Variants in TRIL observed in about 807,000 individuals in gnomAD.
TRIL encodes TLR4 interactor with leucine rich repeats.
Under a neutral mutation model 43.0 loss-of-function variants are expected in TRIL, and 23 were observed. The observed-to-expected ratio is 0.54, with a 90% CI of 0.39 to 0.76. The LOEUF (loss-of-function observed/expected upper bound fraction) is 0.76, where lower values mean the gene tolerates loss of function less well. Among genes scored for constraint, TRIL ranks in the 30% least tolerant of loss-of-function variants. The pLI is 0.00. For missense variants in TRIL, 1,114 were observed against 1,139.3 expected (o/e 0.98, Z 0.32); for synonymous variants, 602 against 556.8 (o/e 1.08, Z -1.14).
In TRIL at chr7:28,957,251, T is replaced by A; in HGVS notation, c.796A>T (p.Thr266Ser). The change falls in exon 1 of 1, where the codon ACG becomes TCG. Residue 266 changes from threonine to serine, a missense_variant. Physicochemically the swap from Thr to Ser is moderately conservative, Grantham distance 58. Transcript: ENST00000539664. ...CAAAAGGCCTCAGGCGCGAGGTGCGTGAGCTGGTTGCCCCTGAGCGAGAGC... is the reference window on the plus strand; with the variant it reads ...CAAAAGGCCTCAGGCGCGAGGTGCGAGAGCTGGTTGCCCCTGAGCGAGAGC... Reference protein sequence around the residue: ...GLLSLRGNQLTHLAPEAFWGL... With the variant: ...GLLSLRGNQLSHLAPEAFWGL... 2 of 1,608,322 alleles carry A rather than the reference T, an allele frequency of 1.2e-6. No homozygotes were observed.
At position 28,956,974 on chromosome 7, in the gene TRIL, C is replaced by T. The variant is rs1468793992; in HGVS notation, c.1073G>A (p.Gly358Asp). ...SPALYRLDLDGNGWTCDCRLR... is the reference protein window; with the variant it reads ...SPALYRLDLDDNGWTCDCRLR... ...CCGGCAGTCGCAGGTCCAGCCGTTG[C>T]CGTCTAGATCCAGCCGATAAAGGGC... The change falls in exon 1 of 1, where the codon GGC becomes GAC. Residue 358 changes from glycine (G) to aspartate (D), a missense_variant. Coordinates refer to ENST00000539664, the MANE Select transcript of TRIL (RefSeq NM_014817.4). The T allele has an allele frequency of 1.3e-6, 2 of 1,581,426 alleles. No individual in the cohort carries two copies. Among genetic ancestry groups the T allele is most frequent in the South Asian group, 1.1e-5 (1 of 88,528 alleles).
chr7:28,956,776 G>T lies in TRIL; in HGVS notation c.1271C>A (p.Thr424Asn). Residue 424 changes from threonine (T) to asparagine (N), a missense_variant, in exon 1 of 1, where the codon ACC becomes AAC. Coordinates refer to ENST00000539664, the MANE Select transcript of TRIL (RefSeq NM_014817.4). ...TAGGGGCTGCCGCCTGCGGTCAGCGGTCAGGGAAGCTGAGGGCGAGGGATC... is the reference window on the plus strand; with the variant it reads ...TAGGGGCTGCCGCCTGCGGTCAGCGTTCAGGGAAGCTGAGGGCGAGGGATC... ...CADPSPSASL[T>N]ADRRRQPLPT... is the part of the protein sequence containing the mutation. 1 of 1,609,870 alleles carries T rather than the reference G, an allele frequency of 6.2e-7. No individual in the cohort carries two copies.
chr7:28,956,206 G>C lies in TRIL; in HGVS notation c.1841C>G (p.Pro614Arg), dbSNP rs1053730692. The change falls in exon 1 of 1, where the codon CCG becomes CGG. Residue 614 changes from proline (P) to arginine (R), a missense_variant. Coordinates refer to ENST00000539664, the MANE Select transcript of TRIL (RefSeq NM_014817.4). ...CAGGCGGAAGCGCGCGCCGCCCAGC[G>C]GCCGGGGACTGCGGTGCTCGCGCAC... is the stretch of plus-strand genomic sequence containing the variant. The part of the protein sequence containing the change: ...WAVREHRSPR[P>R]LGGARFRLLF... 16 of 1,563,444 alleles carry C rather than the reference G, an allele frequency of 1.0e-5. No individual in the cohort carries two copies. The East Asian group carries it at 3.3e-4, about 32-fold the overall frequency.
chr7:28,956,158 T>C lies in TRIL; in HGVS notation c.1889A>G (p.Gln630Arg). 1.3e-6 allele frequency: 2 copies of C among 1,575,014 alleles called. No individual in the cohort carries two copies. The highest frequency in any genetic ancestry group is 1.7e-6 in the Non-Finnish European group (2 of 1,161,912). Residue 630 changes from glutamine to arginine, a missense_variant, in exon 1 of 1, where the codon CAG (glutamine) becomes CGG (arginine). Physicochemically the swap from Gln to Arg is conservative, Grantham distance 43. Transcript: ENST00000539664. ...GTAGACGAAGCGGTGGAACTTGGGC[T>C]GCTGGCCAAAGCGGTCAAAGAGCAG... Reference protein sequence around the residue: ...FRLLFDRFGQQPKFHRFVYLP... With the variant: ...FRLLFDRFGQRPKFHRFVYLP...
rs754068499 is a variant in TRIL, at chr7:28,955,727, G to C, written c.2320C>G (p.Leu774Val). 1.3e-5 allele frequency: 20 copies of C among 1,550,240 alleles called. No individual in the cohort carries two copies. The East Asian group carries it at 4.9e-4, about 38-fold the overall frequency. Residue 774 changes from leucine to valine, a missense_variant, in exon 1 of 1, where the codon CTC (leucine) becomes GTC (valine). Physicochemically the swap from Leu to Val is conservative, Grantham distance 32. Transcript: ENST00000539664. ...AATTCGATGAGGTCCGCCTCACTGA[G>C]CGCGCACACGGTGGTGCGTGGCCGG... ...SHRPRTTVCALSEADLIEFPC... is the reference protein window; with the variant it reads ...SHRPRTTVCAVSEADLIEFPC...
In TRIL at chr7:28,956,944, C is replaced by T; in HGVS notation, c.1103G>A (p.Arg368Gln). ...GTCGCCCATCCAGCGCTTCAGGCCTCGCAGCCGGCAGTCGCAGGTCCAGCC... is the reference window on the plus strand; with the variant it reads ...GTCGCCCATCCAGCGCTTCAGGCCTTGCAGCCGGCAGTCGCAGGTCCAGCC... The part of the protein sequence containing the change: ...GNGWTCDCRL[R>Q]GLKRWMGDWH... Residue 368 changes from arginine (R) to glutamine (Q), a missense_variant, in exon 1 of 1, where the codon CGA becomes CAA. Arg to Gln is a conservative substitution (Grantham distance 43). Coordinates refer to ENST00000539664, the MANE Select transcript of TRIL (RefSeq NM_014817.4). 6.3e-7 allele frequency: 1 copy of T among 1,596,440 alleles called. No homozygotes were observed. The highest frequency in any genetic ancestry group is 8.5e-7 in the Non-Finnish European group (1 of 1,172,930).
chr7:28,956,647 G>A lies in TRIL; in HGVS notation c.1400C>T (p.Ala467Val). 2 of 1,571,678 alleles carry A rather than the reference G, an allele frequency of 1.3e-6. No homozygotes were observed. The highest frequency in any genetic ancestry group is 1.7e-6 in the Non-Finnish European group (2 of 1,162,538). ...QQQGRFLAGV[A>V]WDGAARELVG... The stretch of plus-strand genomic sequence containing the variant: ...CAGCTCCCTGGCGGCCCCATCCCAG[G>A]CCACCCCAGCTAGAAATCGCCCCTG... Residue 467 changes from alanine (A) to valine (V), a missense_variant, in exon 1 of 1, where the codon GCC (alanine) becomes GTC (valine). Transcript: ENST00000539664.
At position 28,957,799 on chromosome 7, in the gene TRIL, C is replaced by CGT; in HGVS notation, c.247_248insAC (p.Gly83AspfsTer65). On this transcript the variant is annotated frameshift_variant, in exon 1 of 1. Transcript: ENST00000539664. LOFTEE classifies it high-confidence loss of function. The stretch of plus-strand genomic sequence containing the variant: ...CTGCAGGTCCAGCCGTCTGAGCTGC[C>CGT]CCAGACGGTGGAAGTCGAAGGCCGT... 6.2e-7 allele frequency: 1 copy of CGT among 1,613,882 alleles called. No homozygotes were observed.
At position 28,955,560 on chromosome 7, in the gene TRIL, C is replaced by A. The variant is rs764393664; in HGVS notation, c.*51G>T. ...CCCTGAGGTGGGCTGGTGGGCCTCA[C>A]GGAGAGGCGGCTCCTTAGGGCCAAT... On this transcript the variant is annotated 3_prime_UTR_variant, in exon 1 of 1. Coordinates refer to ENST00000539664, the MANE Select transcript of TRIL (RefSeq NM_014817.4). 3 of 1,453,176 alleles carry A rather than the reference C, an allele frequency of 2.1e-6. No individual in the cohort carries two copies. The highest frequency in any genetic ancestry group is 5.0e-5 in the East Asian group (2 of 39,896). The allele number at this position is 1,453,176 out of a possible 1,614,324, so 90.0% of individuals were successfully genotyped here. A position where few individuals can be genotyped will look rare whatever the true frequency, so the allele number is the denominator to read the frequency against.
chr7:28,957,644 TG>T lies in TRIL; in HGVS notation c.402del (p.Ile135SerfsTer12). On this transcript the variant is annotated frameshift_variant, in exon 1 of 1. Coordinates refer to ENST00000539664, the MANE Select transcript of TRIL (RefSeq NM_014817.4). LOFTEE classifies it high-confidence loss of function. The part of the protein sequence containing the change: ...PGTLAPLRKL[R>X]ILYANGNEIS... The stretch of plus-strand genomic sequence containing the variant: ...ATCTCGTTCCCGTTGGCGTAGAGGA[TG>T]CGCAGCTTGCGCAGCGGGGCCAGCG... 1 of 1,609,372 alleles carries T rather than the reference TG, an allele frequency of 6.2e-7. No homozygotes were observed. The highest frequency in any genetic ancestry group is 8.5e-7 in the Non-Finnish European group (1 of 1,178,090).
chr7:28,956,378 T>C lies in TRIL; in HGVS notation c.1669A>G (p.Thr557Ala). The change falls in exon 1 of 1, where the codon ACG becomes GCG. Residue 557 changes from threonine to alanine, a missense_variant. Coordinates refer to ENST00000539664, the MANE Select transcript of TRIL (RefSeq NM_014817.4). ...TGGGCGGCACGCTCCTGGTGCTCCG[T>C]GCCCAGACGATGCTTCGTCGCGCGC... Reference protein sequence around the residue: ...WQRATKHRLGTEHQERAAQSD... With the variant: ...WQRATKHRLGAEHQERAAQSD... 3 of 1,534,700 alleles carry C rather than the reference T, an allele frequency of 2.0e-6. No individual in the cohort carries two copies. The highest frequency in any genetic ancestry group is 2.6e-6 in the Non-Finnish European group (3 of 1,146,480).
chr7:28,956,507 T>G lies in TRIL; in HGVS notation c.1540A>C (p.Lys514Gln). 1 of 1,577,954 alleles carries G rather than the reference T, an allele frequency of 6.3e-7. No homozygotes were observed. The highest frequency in any genetic ancestry group is 1.4e-5 in the African/African-American group (1 of 73,706). Residue 514 changes from lysine to glutamine, a missense_variant, in exon 1 of 1, where the codon AAG (lysine) becomes CAG (glutamine). Coordinates refer to ENST00000539664, the MANE Select transcript of TRIL (RefSeq NM_014817.4). ...CGAGTCGGACGGCCCCGCTGGGGCT[T>G]CTTGTGCAGGTCTAGGGACTGTGGA... ...PAPQSLDLHKKPQRGRPTRAD... is the reference protein window; with the variant it reads ...PAPQSLDLHKQPQRGRPTRAD...
chr7:28,957,845 C>T lies in TRIL; in HGVS notation c.202G>A (p.Gly68Ser). Reference protein sequence around the residue: ...PHDVLTYSLGGNFITNITAFD... With the variant: ...PHDVLTYSLGSNFITNITAFD... ...GCCGTGATGTTGGTTATGAAGTTGC[C>T]GCCGAGGCTGTAGGTGAGCACGTCG... The change falls in exon 1 of 1, where the codon GGC becomes AGC. Residue 68 changes from glycine to serine, a missense_variant. By Grantham distance (56) the Gly-to-Ser change is moderately conservative. Transcript: ENST00000539664. 1.2e-6 allele frequency: 2 copies of T among 1,613,798 alleles called. No individual in the cohort carries two copies. Among genetic ancestry groups the T allele is most frequent in the Non-Finnish European group, 1.7e-6 (2 of 1,179,754 alleles).
rs527657355 is a variant in TRIL at position 28,954,093 on chromosome 7, C to A, written c.*1518G>T. The A allele has an allele frequency of 3.3e-5, 5 of 152,638 alleles. No homozygotes were observed. In the South Asian group the frequency reaches 1.0e-3, roughly 32 times the overall value. The allele number at this position is 152,638 out of a possible 1,614,324, so 9.5% of individuals were successfully genotyped here. On this transcript the variant is annotated 3_prime_UTR_variant, in exon 1 of 1. Coordinates refer to ENST00000539664, the MANE Select transcript of TRIL (RefSeq NM_014817.4). ...GCCAATAAATCCATAACCACTGTGA[C>A]CATAACCACAGTGTACATTCTCTTA...
chr7:28,958,203 G>A lies in TRIL; in HGVS notation c.-157C>T. ...CTCCTCCGTCCTTTGTCCGGAGGCC[G>A]GCCCGGGTCTCTGCAGGCGGGCTTC... On this transcript the variant is annotated 5_prime_UTR_variant, in exon 1 of 1. Transcript: ENST00000539664. The A allele has an allele frequency of 2.6e-6, 3 of 1,141,900 alleles. No homozygotes were observed. Among genetic ancestry groups the A allele is most frequent in the Non-Finnish European group, 3.6e-6 (3 of 842,120 alleles). The allele number at this position is 1,141,900 out of a possible 1,614,324, so 70.7% of individuals were successfully genotyped here. A position where few individuals can be genotyped will look rare whatever the true frequency, so the allele number is the denominator to read the frequency against.
rs1216859918 is a variant in TRIL, at chr7:28,957,059, G to C, written c.988C>G (p.Leu330Val). ...CTGAGCGCGTTGTTGCGCAGGCTGAGCTCGCGCAGCCGGCCCAGGTGGCCG... is the reference window on the plus strand; with the variant it reads ...CTGAGCGCGTTGTTGCGCAGGCTGACCTCGCGCAGCCGGCCCAGGTGGCCG... The part of the protein sequence containing the change: ...TFGHLGRLRE[L>V]SLRNNALSAL... Residue 330 changes from leucine to valine, a missense_variant, in exon 1 of 1, where the codon CTC (leucine) becomes GTC (valine). By Grantham distance (32) the Leu-to-Val change is conservative. Transcript: ENST00000539664. The C allele has an allele frequency of 1.3e-6, 2 of 1,576,768 alleles. No individual in the cohort carries two copies. Among genetic ancestry groups the C allele is most frequent in the African/African-American group, 2.7e-5 (2 of 73,998 alleles).
Position 28,957,261 on chromosome 7 carries a change from G to T in TRIL, c.786C>A (p.Gly262=). The change falls in exon 1 of 1, where the codon GGC becomes GGA. Residue 262 remains glycine, a synonymous_variant. Coordinates refer to ENST00000539664, the MANE Select transcript of TRIL (RefSeq NM_014817.4). ...CAGGCGCGAGGTGCGTGAGCTGGTT[G>T]CCCCTGAGCGAGAGCAGGCCGAGAC... ...LPRLGLLSLR[G]NQLTHLAPEA... 6.2e-7 allele frequency: 1 copy of T among 1,609,282 alleles called. No homozygotes were observed. Among genetic ancestry groups the T allele is most frequent in the African/African-American group, 1.3e-5 (1 of 75,054 alleles).
chr7:28,956,371 T>C lies in TRIL; in HGVS notation c.1676A>G (p.His559Arg), dbSNP rs1297295489. The C allele has an allele frequency of 6.5e-7, 1 of 1,532,920 alleles. No individual in the cohort carries two copies. The highest frequency in any genetic ancestry group is 8.7e-7 in the Non-Finnish European group (1 of 1,145,846). The allele number at this position is 1,532,920 out of a possible 1,614,324, so 95.0% of individuals were successfully genotyped here. A position where few individuals can be genotyped will look rare whatever the true frequency, so the allele number is the denominator to read the frequency against. ...GTCGGACTGGGCGGCACGCTCCTGGTGCTCCGTGCCCAGACGATGCTTCGT... is the reference window on the plus strand; with the variant it reads ...GTCGGACTGGGCGGCACGCTCCTGGCGCTCCGTGCCCAGACGATGCTTCGT... ...RATKHRLGTE[H>R]QERAAQSDGG... The change falls in exon 1 of 1, where the codon CAC becomes CGC. Residue 559 changes from histidine to arginine, a missense_variant. His to Arg is a conservative substitution (Grantham distance 29). Coordinates refer to ENST00000539664, the MANE Select transcript of TRIL (RefSeq NM_014817.4).
chr7:28,953,364 CTATT>C lies in TRIL; in HGVS notation c.*2243_*2246del, dbSNP rs1181985643. 1 of 152,642 alleles carries C rather than the reference CTATT, an allele frequency of 6.6e-6. No individual in the cohort carries two copies. Among genetic ancestry groups the C allele is most frequent in the Non-Finnish European group, 1.5e-5 (1 of 68,040 alleles). The allele number at this position is 152,642 out of a possible 1,614,324, so 9.5% of individuals were successfully genotyped here. On this transcript the variant is annotated 3_prime_UTR_variant, in exon 1 of 1. Coordinates refer to ENST00000539664, the MANE Select transcript of TRIL (RefSeq NM_014817.4). ...ATTTGGAAACTCCAACAAATTATCT[CTATT>C]AGTGGGTTTATTGACATAACTGGAC... is the stretch of plus-strand genomic sequence containing the variant.
Sources: allele counts gnomAD v4.1 joint callset, GRCh38; gene constraint gnomAD v4.1.1; transcripts MANE v1.5; gene names NCBI Gene and HGNC (gene_info 2026-07-23, HGNC 2026-07-21).